Variants in RBMS1 observed in about 807,000 individuals in gnomAD.
RBMS1 encodes RNA-binding motif, single-stranded-interacting protein 1.
A neutral mutation model predicts 62.3 loss-of-function variants in RBMS1; 17 were observed. That is an observed-to-expected ratio of 0.27 (90% confidence interval 0.19 to 0.41). The LOEUF is 0.41. RBMS1 is among the 10% of genes least tolerant of loss of function. The pLI, the probability that RBMS1 is intolerant of heterozygous loss-of-function variation, is 1.00. For synonymous variants in RBMS1, 172 were observed against 170.0 expected (o/e 1.01, Z -0.09); for missense variants, 334 against 504.5 (o/e 0.66, Z 3.24).
At chr2:160,352,687 T>C (rs979485984) in intron 2 of RBMS1, among the ~76,000 whole-genome samples, 2 of 152,132 alleles carry the variant, frequency 1.3e-5, no homozygotes, top group Non-Finnish European at 2.9e-5. Context: ...TCCGTTCATA[T>C]AAAACTGTAC....
chr2:160,359,356 G>A (rs1366402653), intron 2 of RBMS1, among the ~76,000 whole-genome samples: 2 of 152,144 alleles, frequency 1.3e-5, no homozygotes, highest in Non-Finnish European at 2.9e-5. Context: ...TGTGAAGCAT[G>A]TGTGTCTCTT....
chr2:160,386,522 C>T (rs1297054794), intron 1 of RBMS1, among the ~76,000 whole-genome samples: 1 of 142,238 alleles, frequency 7.0e-6, no homozygotes, highest in Non-Finnish European at 1.5e-5. Context: ...GCCTGGGAGA[C>T]AGAGTGAGAC....
At chr2:160,399,053 C>T (rs1695304384) in intron 1 of RBMS1, among the ~76,000 whole-genome samples, 1 of 152,214 alleles carries the variant, frequency 6.6e-6, no homozygotes, top group South Asian at 2.1e-4. Context: ...TCAACCTAAC[C>T]TGAACTACCC....
chr2:160,321,938 C>T (rs145502885), intron 2 of RBMS1, among the ~76,000 whole-genome samples: 167 of 152,320 alleles, frequency 1.1e-3, no homozygotes, highest in African/African-American at 3.6e-3. Context: ...AACATCTCTC[C>T]ATTACCTATT....
intron 4 of RBMS1, among the ~76,000 whole-genome samples, chr2:160,306,883 T>C (rs530522821): frequency 7.2e-5 from 11 of 152,298 alleles, no homozygotes; most frequent in African/African-American, 2.6e-4. Flanking sequence ...GTGACAACCA[T>C]AACTGGTTTA....
chr2:160,311,246 A>ATATATATATATATC (rs1689890988), intron 4 of RBMS1, among the ~76,000 whole-genome samples: 2 of 127,962 alleles, frequency 1.6e-5, no homozygotes, highest in African/African-American at 5.2e-5. Context: ...ATATATATAT[A>ATATATATATATATC]TATATATATA....
intron 5 of RBMS1, 87 bp from the exon 6 acceptor site, chr2:160,300,817 G>GT: frequency 3.0e-6 from 4 of 1,325,398 alleles, no homozygotes; most frequent in Non-Finnish European, 3.9e-6. Context: ...ATTCTTATAG[G>GT]TTTTTTGGAT....
chr2:160,321,626 A>G (rs1014006778), intron 2 of RBMS1, among the ~76,000 whole-genome samples: 1 of 151,764 alleles, frequency 6.6e-6, no homozygotes, highest in Non-Finnish European at 1.5e-5. Context: ...GACTTTCTAA[A>G]TCTCATCTTC....
At chr2:160,361,485 A>C (rs991611518) in intron 2 of RBMS1, among the ~76,000 whole-genome samples, 2 of 152,246 alleles carry the variant, frequency 1.3e-5, no homozygotes, top group African/African-American at 4.8e-5. Context: ...GGCATATCTC[A>C]GAGACATTGC....
chr2:160,303,585 C>T, intron 4 of RBMS1, 98 bp from the exon 5 acceptor site: 2 of 1,335,626 alleles, frequency 1.5e-6, no homozygotes, highest in East Asian at 4.8e-5. Context: ...TTGCTCAAGT[C>T]CTTTTAAAGT....
intron 10 of RBMS1, chr2:160,279,002 T>G (rs1687976136): frequency 5.5e-6 from 1 of 180,840 alleles, no homozygotes; most frequent in Non-Finnish European, 1.2e-5. Flanking sequence ...AAAAACAAAC[T>G]GATTATCACT....
At chr2:160,410,019 G>C (rs1258708726) in intron 1 of RBMS1, among the ~76,000 whole-genome samples, 1 of 151,794 alleles carries the variant, frequency 6.6e-6, no homozygotes, top group East Asian at 1.9e-4. Context: ...ACGAGGTCTC[G>C]AGACCATCCA....
chr2:160,413,853 C>T (rs1233383185), intron 1 of RBMS1, among the ~76,000 whole-genome samples: 2 of 152,166 alleles, frequency 1.3e-5, no homozygotes, highest in Non-Finnish European at 2.9e-5. Flanking sequence ...GTAACTTGCC[C>T]AAGGTCACAA....
chr2:160,477,614 T>C (rs184365257), intron 1 of RBMS1, among the ~76,000 whole-genome samples: 1 of 152,244 alleles, frequency 6.6e-6, no homozygotes, highest in African/African-American at 2.4e-5. Flanking sequence ...GTGGGTAAAC[T>C]GTGCTAAAAG....
chr2:160,321,768 G>C (rs749161320), intron 2 of RBMS1, among the ~76,000 whole-genome samples: 5 of 152,124 alleles, frequency 3.3e-5, no homozygotes, highest in African/African-American at 1.2e-4. Context: ...CTGAACCCAG[G>C]TGATCAATAA....
At chr2:160,424,854 CT>C (rs1696580441) in intron 1 of RBMS1, among the ~76,000 whole-genome samples, 1 of 151,360 alleles carries the variant, frequency 6.6e-6, no homozygotes, top group Admixed American at 6.6e-5. Context: ...CCCTGGGCAA[CT>C]AAAAAGGGGG....
chr2:160,460,265 G>C (rs1684406023), intron 1 of RBMS1, among the ~76,000 whole-genome samples: 2 of 152,208 alleles, frequency 1.3e-5, no homozygotes, highest in Admixed American at 6.5e-5. Context: ...GGAACAGGAG[G>C]AGAAGCAGGT....
chr2:160,473,752 C>T (rs990939498), intron 1 of RBMS1, among the ~76,000 whole-genome samples: 13 of 152,190 alleles, frequency 8.5e-5, no homozygotes, highest in Non-Finnish European at 1.8e-4. Flanking sequence ...TTCTCAGCAA[C>T]GCAGATTTCC....
At chr2:160,329,349 T>TA (rs1315531749) in intron 2 of RBMS1, among the ~76,000 whole-genome samples, 2 of 152,190 alleles carry the variant, frequency 1.3e-5, no homozygotes, top group African/African-American at 4.8e-5. Context: ...TTTCTAAACT[T>TA]AGACGTTTGG....
Sources: allele counts gnomAD v4.1 joint callset (sites outside exome capture counted in the v4.1 genomes callset), GRCh38; gene constraint gnomAD v4.1.1; transcripts MANE v1.5; gene names NCBI Gene and HGNC (gene_info 2026-07-23, HGNC 2026-07-21).